The following UNC13C variants were observed in gnomAD, a reference collection of about 807,000 sequenced individuals.
UNC13C encodes the protein protein unc-13 homolog C.
UNC13C carries 174 observed loss-of-function variants against 245.4 expected under a neutral mutation model. That is an observed-to-expected ratio of 0.71 (90% CI 0.63 to 0.80). The LOEUF is 0.80. Ranked by LOEUF, UNC13C falls within the 30% of genes least tolerant of loss-of-function variation. The pLI is 0.00. For missense variants in UNC13C, 2,829 were observed against 2,602.9 expected (o/e 1.09, Z -1.89); for synonymous variants, 992 against 895.1 (o/e 1.11, Z -1.93).
At chr15:54,507,350 A>C (rs1448458182) in intron 23 of UNC13C, among the ~76,000 whole-genome samples, 156 bp downstream of exon 23, 1 of 152,114 alleles carries the variant, frequency 6.6e-6, no homozygotes, top group Non-Finnish European at 1.5e-5. Context: ...AGGGTTCTTG[A>C]ACTGGTTTTA....
Position 54,446,349 on chromosome 15 carries a change from T to A in UNC13C, c.4933+31282T>A, listed in dbSNP as rs143576309. 5.0e-3 allele frequency among the ~76,000 whole-genome samples: 765 copies of A among 152,262 alleles called. 5 individuals carry two copies. Among genetic ancestry groups the A allele is most frequent in the African/African-American group, 0.017 (715 of 41,544 alleles). On this transcript the variant is annotated intron_variant, in intron 19 of 32. Coordinates refer to ENST00000260323, the MANE Select transcript of UNC13C (RefSeq NM_001080534.3). ...TGTGAAGAAAGTCATTGGTACCTTG[T>A]TGGGGATGGCATTGAATCTATAAAT...
At chr15:54,543,925 C>G (rs1336837091) in intron 26 of UNC13C, among the ~76,000 whole-genome samples, 2 of 152,078 alleles carry the variant, frequency 1.3e-5, no homozygotes, top group Non-Finnish European at 2.9e-5. Context: ...AAAAGAGGGA[C>G]TCATCCTTAA....
intron 19 of UNC13C, among the ~76,000 whole-genome samples, chr15:54,424,646 G>A (rs1185914438): frequency 1.3e-5 from 2 of 151,644 alleles, no homozygotes; most frequent in Non-Finnish European, 2.9e-5. Context: ...AATGGTTTGT[G>A]GTGAGTAACT....
chr15:54,576,203 T>C (rs1596599730), intron 30 of UNC13C, among the ~76,000 whole-genome samples: 1 of 152,154 alleles, frequency 6.6e-6, no homozygotes, highest in African/African-American at 2.4e-5. Flanking sequence ...TACTCACAAA[T>C]AGATTTTTAA....
intron 23 of UNC13C, among the ~76,000 whole-genome samples, chr15:54,507,935 G>T (rs1192174991): frequency 1.3e-5 from 2 of 151,106 alleles, no homozygotes; most frequent in Non-Finnish European, 2.9e-5. Flanking sequence ...CCAAAAATCA[G>T]TTTCGCTATC....
intron 2 of UNC13C, among the ~76,000 whole-genome samples, chr15:54,087,350 A>G (rs769247867): frequency 2.0e-5 from 3 of 152,116 alleles, no homozygotes; most frequent in Non-Finnish European, 4.4e-5. Context: ...CTTAAACACT[A>G]CTGGCATCAG....
chr15:53,974,040 A>G (rs1566925536), upstream of UNC13C, among the ~76,000 whole-genome samples: 3 of 152,232 alleles, frequency 2.0e-5, no homozygotes, highest in Non-Finnish European at 4.4e-5. Flanking sequence ...CTGTACAACC[A>G]GATAAGTCTT....
At chr15:54,003,856 C>A (rs79415075) in intron 1 of UNC13C, among the ~76,000 whole-genome samples, 1 of 152,112 alleles carries the variant, frequency 6.6e-6, no homozygotes, top group African/African-American at 2.4e-5. Flanking sequence ...ACTAAAAATA[C>A]AAAAAATTCA....
intron 9 of UNC13C, among the ~76,000 whole-genome samples, chr15:54,265,121 T>C (rs968887705): frequency 3.9e-5 from 6 of 152,144 alleles, no homozygotes; most frequent in African/African-American, 1.4e-4. Flanking sequence ...TGTATATGCA[T>C]GTGTATGTAT....
At chr15:54,379,795 G>T (rs1056850673) in intron 17 of UNC13C, among the ~76,000 whole-genome samples, 2 of 152,092 alleles carry the variant, frequency 1.3e-5, no homozygotes, top group Non-Finnish European at 2.9e-5. Flanking sequence ...TACATTCTCT[G>T]TATAAGTTGC....
rs912295049 is a variant in UNC13C at position 54,119,394 on chromosome 15, T to C, written c.2984-23624T>C. 2.6e-5 allele frequency among the ~76,000 whole-genome samples: 4 copies of C among 152,286 alleles called. No individual in the cohort carries two copies. In the East Asian group the frequency reaches 7.7e-4, roughly 29 times the overall value. ...TGTGATCAGTGACCTTTGATATTAC[T>C]ATTGTAATTGTTTTGGAACACCGCA... On this transcript the variant is annotated intron_variant, in intron 2 of 32. Coordinates refer to ENST00000260323, the MANE Select transcript of UNC13C (RefSeq NM_001080534.3).
intron 2 of UNC13C, among the ~76,000 whole-genome samples, chr15:54,087,708 C>T (rs1899321926): frequency 6.6e-6 from 1 of 152,066 alleles, no homozygotes; most frequent in Admixed American, 6.5e-5. Context: ...AGAGCCTTGT[C>T]TATGATGCAA....
chr15:54,132,235 T>A (rs192005850), intron 2 of UNC13C, among the ~76,000 whole-genome samples: 1,873 of 151,964 alleles, frequency 0.012, 31 homozygotes, highest in African/African-American at 0.043. Context: ...CACACCTGGC[T>A]AATTTTTTGT....
chr15:54,515,338 T>C (rs553740653), intron 24 of UNC13C, among the ~76,000 whole-genome samples: 2 of 152,322 alleles, frequency 1.3e-5, no homozygotes. Context: ...CAGGGTGCCA[T>C]GTAATAATTT....
At chr15:54,194,830 A>C (rs754252700) in intron 4 of UNC13C, among the ~76,000 whole-genome samples, 4 of 152,164 alleles carry the variant, frequency 2.6e-5, no homozygotes, top group Non-Finnish European at 4.4e-5. Flanking sequence ...TAGGTACAAA[A>C]ATTTAAAATA....
At chr15:53,962,957 G>A in the UNC13C span, among the ~76,000 whole-genome samples, 1 of 152,162 alleles carries the variant, frequency 6.6e-6, no homozygotes, top group Non-Finnish European at 1.5e-5. Flanking sequence ...GCCAAGTTAT[G>A]CCCACCTGCA....
chr15:54,141,082 A>T (rs541363595), intron 2 of UNC13C, among the ~76,000 whole-genome samples: 1 of 152,324 alleles, frequency 6.6e-6, no homozygotes, highest in Admixed American at 6.5e-5. Context: ...GGAGATAATG[A>T]ATATAAAGTA....
Position 54,014,859 on chromosome 15 carries a change from G to A in UNC13C, c.1956G>A (p.Glu652=), listed in dbSNP as rs1240967737. The A allele has an allele frequency of 3.1e-6, 5 of 1,613,802 alleles. No homozygotes were observed. The highest frequency in any genetic ancestry group is 4.2e-6 in the Non-Finnish European group (5 of 1,179,852). Residue 652 remains glutamate, a synonymous_variant, in exon 2 of 33, where the codon GAG becomes GAA. Transcript: ENST00000260323. ...GTGATTCTCAGCTCTCTTTACATGAGGATCTTTCTCCATGGAAGGAATGGA... is the reference window on the plus strand; with the variant it reads ...GTGATTCTCAGCTCTCTTTACATGAAGATCTTTCTCCATGGAAGGAATGGA... The part of the protein sequence containing the change: ...HYSDSQLSLH[E]DLSPWKEWNQ...
chr15:53,919,591 G>A, the UNC13C span, among the ~76,000 whole-genome samples: 3 of 152,142 alleles, frequency 2.0e-5, no homozygotes, highest in Admixed American at 1.3e-4. Context: ...CTGAAAGCAC[G>A]CTGTAATATT....
Sources: allele counts gnomAD v4.1 joint callset (sites outside exome capture counted in the v4.1 genomes callset), GRCh38; gene constraint gnomAD v4.1.1; transcripts MANE v1.5; gene names NCBI Gene and HGNC (gene_info 2026-07-23, HGNC 2026-07-21).